Variants in TET3 observed in about 807,000 individuals in gnomAD.
TET3 encodes the protein tet methylcytosine dioxygenase 3, also known as methylcytosine dioxygenase TET3.
A neutral mutation model predicts 141.4 loss-of-function variants in TET3; 19 were observed. The observed-to-expected ratio is 0.13, with a 90% confidence interval of 0.09 to 0.20. The LOEUF (loss-of-function observed/expected upper bound fraction) is 0.20, where lower values mean the gene tolerates loss of function less well. Ranked by LOEUF, TET3 falls within the 10% of genes least tolerant of loss-of-function variation. TET3 has a pLI of 1.00. For synonymous variants in TET3, 1,043 were observed against 980.9 expected, an observed-to-expected ratio of 1.06 and a Z score of -1.18; for missense variants, 1,874 against 2,356.9, an observed-to-expected ratio of 0.80 and a Z score of 4.24.
chr2:74,044,254 T>C (rs934153216), intron 3 of TET3, among the ~76,000 whole-genome samples: 1 of 152,204 alleles, frequency 6.6e-6, no homozygotes, highest in African/African-American at 2.4e-5. Context: ...TGATTTCTTA[T>C]TTAGCTTTTT....
chr2:74,072,945 G>C (rs1045601360), intron 4 of TET3, among the ~76,000 whole-genome samples: 1 of 152,172 alleles, frequency 6.6e-6, no homozygotes, highest in Non-Finnish European at 1.5e-5. Flanking sequence ...TTTTGGCTGA[G>C]TAATATTCTG....
rs763193659 is a variant in TET3, at chr2:74,046,425, A to T, written c.508A>T (p.Thr170Ser). 3 of 1,592,712 alleles carry T rather than the reference A, an allele frequency of 1.9e-6. No individual in the cohort carries two copies. In the East Asian group the frequency reaches 6.7e-5, roughly 36 times the overall value. The change falls in exon 4 of 12, where the codon ACT (threonine) becomes TCT (serine). Residue 170 changes from threonine (T) to serine (S), a missense_variant. Transcript: ENST00000409262. This position sits in a 1 kb window ranked among gnomAD's most constrained non-coding sequence, Gnocchi z 4.3. ...REPAGPSLLGTGGPWRVDQKP... is the reference protein window; with the variant it reads ...REPAGPSLLGSGGPWRVDQKP... ...GCCCGCTGGACCCAGTCTGCTGGGG[A>T]CTGGGGGTCCTTGGCGGGTAGACCA...
intron 2 of TET3, among the ~76,000 whole-genome samples, chr2:73,991,805 CAAAAA>C (rs772400180): frequency 1.6e-4 from 13 of 79,602 alleles, no homozygotes; most frequent in East Asian, 3.6e-4. Flanking sequence ...AACTCTGTCT[CAAAAA>C]AAAAAAAAAA....
chr2:74,043,599 C>CT (rs1442159484), intron 3 of TET3, among the ~76,000 whole-genome samples: 4 of 152,166 alleles, frequency 2.6e-5, no homozygotes, highest in Admixed American at 2.0e-4. Context: ...GGAGGCCGCT[C>CT]TAAGAGGCTG....
the TET3 span, chr2:74,122,511 A>ATTTTTTTTTTTTTTT: frequency 4.2e-5 from 2 of 47,554 alleles, no homozygotes; most frequent in Non-Finnish European, 3.8e-5. Context: ...ATATATATAT[A>ATTTTTTTTTTTTTTT]TTTTTTTTTT....
In TET3 at chr2:74,047,550, G is replaced by A. The variant is rs773379637; in HGVS notation, c.1633G>A (p.Asp545Asn). Residue 545 changes from aspartate to asparagine, a missense_variant, in exon 4 of 12, where the codon GAC becomes AAC. Asp to Asn is a conservative substitution (Grantham distance 23). Around this residue, in one of 10 missense-constraint regions of TET3, gnomAD observed 484 missense variants for 462.2 expected, o/e 1.05. Transcript: ENST00000409262. ...KRSLFLEQVHDTSFPAPSEPS... is the reference protein window; with the variant it reads ...KRSLFLEQVHNTSFPAPSEPS... ...CAGCCTCTTCCTAGAACAGGTGCAC[G>A]ACACCTCCTTCCCTGCTCCTTCAGA... The A allele has an allele frequency of 1.9e-5, 30 of 1,613,750 alleles. No individual in the cohort carries two copies. The South Asian group carries it at 2.3e-4, about 12-fold the overall frequency.
At chr2:74,032,207 C>G (rs942022935) in intron 3 of TET3, among the ~76,000 whole-genome samples, 6 of 152,120 alleles carry the variant, frequency 3.9e-5, no homozygotes, top group Admixed American at 2.6e-4. Context: ...GTACATGGAG[C>G]CTTTAGTGAA....
intron 10 of TET3, among the ~76,000 whole-genome samples, chr2:74,098,335 AATC>A (rs1436353589): frequency 2.0e-5 from 3 of 152,220 alleles, no homozygotes; most frequent in African/African-American, 7.2e-5. Flanking sequence ...ACACAGCTCT[AATC>A]ATATTGGGGG....
In TET3 at chr2:74,060,521, T is replaced by A. The variant is rs545997494; in HGVS notation, c.2494+12110T>A. ...AAGTCTTCATAAAAACATTTTTTTT[T>A]AAATTTATTATTATTTTTTTTTATT... On this transcript the variant is annotated intron_variant, in intron 4 of 11. Transcript: ENST00000409262. Among the ~76,000 whole-genome samples, 117 of 152,264 alleles carry A rather than the reference T, an allele frequency of 7.7e-4. 1 individual carries two copies. Among genetic ancestry groups the A allele is most frequent in the South Asian group, 5.6e-3 (27 of 4,830 alleles).
At chr2:74,027,429 T>A (rs1311392304) in intron 3 of TET3, among the ~76,000 whole-genome samples, 1 of 151,900 alleles carries the variant, frequency 6.6e-6, no homozygotes. Context: ...GGTTTTAGTG[T>A]AGTCAGGATT....
upstream of TET3, among the ~76,000 whole-genome samples, chr2:73,984,037 C>G (rs576128811): frequency 6.9e-4 from 105 of 152,366 alleles, no homozygotes; most frequent in African/African-American, 2.5e-3. The surrounding 1 kb of genome is among the most constrained non-coding windows in gnomAD (Gnocchi z 5.6). Context: ...TGAGCCCTGC[C>G]CCTTACCCCC....
chr2:73,990,125 G>A (rs1353739733), intron 2 of TET3, among the ~76,000 whole-genome samples: 1 of 151,994 alleles, frequency 6.6e-6, no homozygotes, highest in African/African-American at 2.4e-5. Context: ...TAGGTATGGT[G>A]GCTTACTCCT....
At chr2:74,060,711 G>T (rs1688462204) in intron 4 of TET3, among the ~76,000 whole-genome samples, 1 of 151,996 alleles carries the variant, frequency 6.6e-6, no homozygotes. Flanking sequence ...TTGAGATTAG[G>T]GAGTGGTGAT....
chr2:73,988,477 G>T (rs1294390676), intron 2 of TET3, among the ~76,000 whole-genome samples: 2 of 152,190 alleles, frequency 1.3e-5, no homozygotes, highest in Non-Finnish European at 1.5e-5. Context: ...GAACATACCT[G>T]AGTGAAAGGG....
intron 3 of TET3, among the ~76,000 whole-genome samples, chr2:74,032,830 C>T (rs1332048143): frequency 2.0e-5 from 3 of 152,102 alleles, no homozygotes; most frequent in Non-Finnish European, 2.9e-5. Context: ...CAGGCGATAA[C>T]TTTGCATAGG....
At chr2:74,018,342 C>T (rs756536384) in intron 3 of TET3, among the ~76,000 whole-genome samples, 3 of 152,154 alleles carry the variant, frequency 2.0e-5, no homozygotes, top group Non-Finnish European at 2.9e-5. Flanking sequence ...ACTTCTGTTA[C>T]GTTTTGAAAA....
At chr2:73,989,359 G>T (rs1174937792) in intron 2 of TET3, among the ~76,000 whole-genome samples, 1 of 152,214 alleles carries the variant, frequency 6.6e-6, no homozygotes, top group Non-Finnish European at 1.5e-5. Context: ...CTCTGTGAGA[G>T]TGCTGTGCTC....
At chr2:74,095,480 C>T (rs1401909042) in intron 10 of TET3, among the ~76,000 whole-genome samples, 1 of 152,154 alleles carries the variant, frequency 6.6e-6, no homozygotes, top group South Asian at 2.1e-4. Context: ...TTTTCCTAAA[C>T]AAGACTCATT....
chr2:74,004,211 C>T (rs1342504381), intron 3 of TET3, among the ~76,000 whole-genome samples: 1 of 152,116 alleles, frequency 6.6e-6, no homozygotes, highest in Admixed American at 6.5e-5. Context: ...AGCCCACCTG[C>T]CCCCTCAGCC....
Sources: allele counts gnomAD v4.1 joint callset (sites outside exome capture counted in the v4.1 genomes callset), GRCh38; gene constraint gnomAD v4.1.1; regional missense constraint gnomAD v4.1.1; non-coding constraint Gnocchi (gnomAD v3.1); transcripts MANE v1.5; gene names NCBI Gene and HGNC (gene_info 2026-07-23, HGNC 2026-07-21).